DYNC2LI1: variants seen among roughly 807,000 people sequenced by gnomAD.
The protein encoded by DYNC2LI1 is dynein cytoplasmic 2 light intermediate chain 1.
DYNC2LI1 carries 45 observed loss-of-function variants against 51.9 expected under a neutral mutation model. The observed-to-expected ratio is 0.87, with a 90% CI of 0.68 to 1.11. The LOEUF is 1.11. DYNC2LI1 is among the 50% of genes most tolerant of loss of function. The probability of loss-of-function intolerance (pLI) is 0.00; values close to 1 mark genes in which losing one functional copy is unlikely to be tolerated. For missense variants in DYNC2LI1, 490 were observed against 417.4 expected (o/e 1.17, Z -1.51); for synonymous variants, 130 against 137.8 (o/e 0.94, Z 0.40).
chr2:43,822,668 A>T, the DYNC2LI1 span: 2 of 1,556,444 alleles, frequency 1.3e-6, no homozygotes, highest in African/African-American at 2.7e-5. Context: ...ACATTGCACT[A>T]GACACTGATG....
intron 9 of DYNC2LI1, 174 bp from the exon 10 acceptor site, chr2:43,801,465 A>G (rs1484112835): frequency 6.4e-6 from 3 of 471,710 alleles, no homozygotes; most frequent in Admixed American, 8.2e-5. Flanking sequence ...TATTTATGCT[A>G]TATGTTAATT....
At chr2:43,813,181 T>A (rs1160201715), downstream of DYNC2LI1, 30 of 1,558,064 alleles carry the variant, frequency 1.9e-5, no homozygotes, top group Admixed American at 4.0e-4. Flanking sequence ...AGAGCTGGAA[T>A]AAATGAATAC....
At chr2:43,824,960 G>A in the DYNC2LI1 span, 43 of 1,614,002 alleles carry the variant, frequency 2.7e-5, no homozygotes, top group East Asian at 2.0e-4. Context: ...AAGCATTTCC[G>A]CTGGCGTGCC....
At chr2:43,824,109 T>C in the DYNC2LI1 span, 6 of 1,614,098 alleles carry the variant, frequency 3.7e-6, no homozygotes, top group Admixed American at 6.7e-5. Context: ...CCAAGTTTCT[T>C]GTCACTCTCC....
chr2:43,823,642 C>T, the DYNC2LI1 span, among the ~76,000 whole-genome samples: 1 of 152,164 alleles, frequency 6.6e-6, no homozygotes, highest in Non-Finnish European at 1.5e-5. Context: ...GAGGAATGAT[C>T]TTTTGAAAAA....
At chr2:43,784,142 A>G (rs183865738) in intron 3 of DYNC2LI1, among the ~76,000 whole-genome samples, 24 of 152,334 alleles carry the variant, frequency 1.6e-4, no homozygotes, top group Admixed American at 1.5e-3. Context: ...AAAATCATCA[A>G]AAGAGATGGA....
chr2:43,788,320 A>T (rs1263938877), intron 4 of DYNC2LI1, among the ~76,000 whole-genome samples: 1 of 152,220 alleles, frequency 6.6e-6, no homozygotes, highest in Non-Finnish European at 1.5e-5. Flanking sequence ...AATAATATAT[A>T]TTCACCTAAA....
intron 2 of DYNC2LI1, among the ~76,000 whole-genome samples, chr2:43,778,868 T>G (rs1451010185): frequency 6.6e-6 from 1 of 152,212 alleles, no homozygotes; most frequent in East Asian, 1.9e-4. Flanking sequence ...ATATACAAAC[T>G]GTTTTTTGTT....
intron 12 of DYNC2LI1, 172 bp downstream of exon 12, chr2:43,805,418 A>G (rs921568214): frequency 2.8e-6 from 1 of 361,208 alleles, no homozygotes; most frequent in Non-Finnish European, 4.9e-6. Context: ...TATACTGTAG[A>G]AAAAATAAAA....
At chr2:43,818,359 AC>A in the DYNC2LI1 span, among the ~76,000 whole-genome samples, 5 of 151,948 alleles carry the variant, frequency 3.3e-5, no homozygotes, top group Admixed American at 3.3e-4. Context: ...CACAAGAATC[AC>A]TTGAACCCAG....
In DYNC2LI1 at chr2:43,792,685, A is replaced by C. The variant is rs748014141; in HGVS notation, c.321-1772A>C. ...GTTTTTCCTTCCCCAGCTCCTGGCA[A>C]CTATCATCCCTACTGCCTGTCTCTA... On this transcript the variant is annotated intron_variant, in intron 5 of 12. Coordinates refer to ENST00000260605, the MANE Select transcript of DYNC2LI1 (RefSeq NM_016008.4). The C allele has an allele frequency of 1.9e-6, 3 of 1,544,754 alleles. No homozygotes were observed. In the African/African-American group the frequency reaches 4.1e-5, roughly 21 times the overall value.
At position 43,801,693 on chromosome 2, in the gene DYNC2LI1, T is replaced by C. The variant is rs373439889; in HGVS notation, c.786T>C (p.Asp262=). 3 of 1,609,544 alleles carry C rather than the reference T, an allele frequency of 1.9e-6. No individual in the cohort carries two copies. The African/African-American group carries it at 4.0e-5, about 22-fold the overall frequency. Residue 262 remains aspartate, a synonymous_variant, in exon 10 of 13, where the codon GAT becomes GAC. Transcript: ENST00000260605. The part of the protein sequence containing the change: ...NKPLFITAGL[D]SFGQIGSPPV... Reference sequence around the variant, plus strand: ...CGCTGTTTATCACAGCAGGATTGGATTCTTTCGGTCAAATAGGTTAGTGAA... The same window carrying C: ...CGCTGTTTATCACAGCAGGATTGGACTCTTTCGGTCAAATAGGTTAGTGAA...
At chr2:43,818,979 G>A in the DYNC2LI1 span, among the ~76,000 whole-genome samples, 26 of 152,224 alleles carry the variant, frequency 1.7e-4, no homozygotes, top group South Asian at 2.1e-3. Context: ...AGTCACGTGC[G>A]TCACAGCCTT....
At chr2:43,824,511 G>C in the DYNC2LI1 span, 5 of 1,597,428 alleles carry the variant, frequency 3.1e-6, no homozygotes, top group Non-Finnish European at 4.3e-6. Flanking sequence ...TGGTACAGGA[G>C]TACTGGCCAT....
At chr2:43,781,278 A>G (rs1369750310) in intron 2 of DYNC2LI1, among the ~76,000 whole-genome samples, 2 of 151,982 alleles carry the variant, frequency 1.3e-5, no homozygotes, top group African/African-American at 2.4e-5. Context: ...CTGAGGCCTA[A>G]GAATCACTTG....
At chr2:43,825,010 G>A in the DYNC2LI1 span, 3 of 1,613,776 alleles carry the variant, frequency 1.9e-6, no homozygotes, top group Middle Eastern at 1.7e-4. Flanking sequence ...TGGCAATTTT[G>A]TCAAAGAGCT....
chr2:43,786,872 C>T (rs145887467), intron 3 of DYNC2LI1, among the ~76,000 whole-genome samples: 1 of 152,230 alleles, frequency 6.6e-6, no homozygotes, highest in East Asian at 1.9e-4. Context: ...GTCAGTGCTT[C>T]CTGCATGGCC....
rs559441352 is a variant in DYNC2LI1, at chr2:43,791,797, A to G, written c.320+2076A>G. On this transcript the variant is annotated intron_variant, in intron 5 of 12. Coordinates refer to ENST00000260605, the MANE Select transcript of DYNC2LI1 (RefSeq NM_016008.4). ...TTATAGAATTATAAATGCATTGAAC[A>G]TTTCCACACACTTTAGACAATTTGT... Among the ~76,000 whole-genome samples, 65 of 152,328 alleles carry G rather than the reference A, an allele frequency of 4.3e-4. 1 individual carries two copies. Among genetic ancestry groups the G allele is most frequent in the Middle Eastern group, 3.4e-3 (1 of 292 alleles).
chr2:43,813,080 G>A (rs1358275388), downstream of DYNC2LI1: 2 of 852,562 alleles, frequency 2.3e-6, no homozygotes, highest in East Asian at 2.4e-5. Context: ...TGCACAGTCG[G>A]CAGCTTCACT....
Sources: allele counts gnomAD v4.1 joint callset (sites outside exome capture counted in the v4.1 genomes callset), GRCh38; gene constraint gnomAD v4.1.1; transcripts MANE v1.5; gene names NCBI Gene and HGNC (gene_info 2026-07-23, HGNC 2026-07-21).